The following HHIPL1 variants were observed in gnomAD, a reference collection of about 807,000 sequenced individuals.
HHIPL1 encodes the protein HHIP-like protein 1.
Under a neutral mutation model 61.8 loss-of-function variants are expected in HHIPL1, and 43 were observed. That is an observed-to-expected ratio of 0.70 (90% CI 0.55 to 0.90). The LOEUF (loss-of-function observed/expected upper bound fraction) is 0.90. Among genes scored for constraint, HHIPL1 ranks in the 40% least tolerant of loss-of-function variants. HHIPL1 has a pLI of 0.00. For synonymous variants in HHIPL1, 482 were observed against 515.8 expected (o/e 0.93, Z 0.89); for missense variants, 1,056 against 1,157.7 (o/e 0.91, Z 1.28).
chr14:99,615,533 G>GT, the HHIPL1 span, among the ~76,000 whole-genome samples: 9 of 151,792 alleles, frequency 5.9e-5, no homozygotes, highest in Admixed American at 3.9e-4. Context: ...GGCAGAGTGA[G>GT]ACTCTGTGTC....
chr14:99,668,934 A>G lies in HHIPL1; in HGVS notation c.1730+631A>G, dbSNP rs758912536. The G allele has an allele frequency of 1.2e-6, 2 of 1,610,452 alleles. No homozygotes were observed. Among genetic ancestry groups the G allele is most frequent in the South Asian group, 2.2e-5 (2 of 90,956 alleles). On this transcript the variant is annotated intron_variant, in intron 7 of 8. Coordinates refer to ENST00000330710, the MANE Select transcript of HHIPL1 (RefSeq NM_001127258.3). The surrounding 1 kb of genome is among the most constrained non-coding windows in gnomAD (Gnocchi z 4.7). ...TTTTACAGTGGTGGAAATGAGCACA[A>G]AGACACGAAGTCATGGGCCTGGGGC... is the stretch of plus-strand genomic sequence containing the variant.
chr14:99,643,406 T>C (rs2055778531), upstream of HHIPL1, among the ~76,000 whole-genome samples: 1 of 152,326 alleles, frequency 6.6e-6, no homozygotes, highest in South Asian at 2.1e-4. Context: ...AATCAGGATG[T>C]ACTAGATAAC....
chr14:99,616,638 G>A, the HHIPL1 span, among the ~76,000 whole-genome samples: 1 of 152,162 alleles, frequency 6.6e-6, no homozygotes, highest in Non-Finnish European at 1.5e-5. Flanking sequence ...TGGGTGGAGA[G>A]AGATAAGGCA....
chr14:99,668,795 C>A lies in HHIPL1; in HGVS notation c.1730+492C>A. ...CCACTGGGGAAAACACATTGGGGCT[C>A]CCTTCGCCGGCTCCATCTCCCCGGC... is the stretch of plus-strand genomic sequence containing the variant. On this transcript the variant is annotated intron_variant, in intron 7 of 8. Transcript: ENST00000330710. The surrounding 1 kb of genome is among the most constrained non-coding windows in gnomAD (Gnocchi z 4.7). 1 of 1,609,916 alleles carries A rather than the reference C, an allele frequency of 6.2e-7. No individual in the cohort carries two copies. The highest frequency in any genetic ancestry group is 8.5e-7 in the Non-Finnish European group (1 of 1,179,742).
At chr14:99,622,800 G>A in the HHIPL1 span, among the ~76,000 whole-genome samples, 1 of 152,210 alleles carries the variant, frequency 6.6e-6, no homozygotes. Context: ...AAACTTCTCT[G>A]AGCCTCACTT....
chr14:99,619,179 C>T, the HHIPL1 span, among the ~76,000 whole-genome samples: 1 of 152,116 alleles, frequency 6.6e-6, no homozygotes, highest in Non-Finnish European at 1.5e-5. Context: ...TGGCCGGGCA[C>T]GGTGGCTCAC....
In HHIPL1 at chr14:99,670,268, T is replaced by C. The variant is rs183497154; in HGVS notation, c.1730+1965T>C. Among the ~76,000 whole-genome samples, 87 of 152,264 alleles carry C rather than the reference T, an allele frequency of 5.7e-4. 1 individual carries two copies. The highest frequency in any genetic ancestry group is 2.1e-3 in the African/African-American group (87 of 41,552). ...CTGGGACTACAGGTGCCTGCCACCA[T>C]GCCTGGCTAATTTTTGTATTTTTAG... On this transcript the variant is annotated intron_variant, in intron 7 of 8. Coordinates refer to ENST00000330710, the MANE Select transcript of HHIPL1 (RefSeq NM_001127258.3).
chr14:99,659,665 G>A lies in HHIPL1; in HGVS notation c.1284G>A (p.Val428=). 6.5e-7 allele frequency: 1 copy of A among 1,542,494 alleles called. No homozygotes were observed. The highest frequency in any genetic ancestry group is 8.7e-7 in the Non-Finnish European group (1 of 1,148,982). ...TGGGCCAGAACAAGTTCGAGGAGGT[G>A]GACGTGGTGGAGCGCGGCGGCAACT... is the stretch of plus-strand genomic sequence containing the variant. ...GDVGQNKFEE[V]DVVERGGNYG... Residue 428 remains valine, a synonymous_variant, in exon 4 of 9, where the codon GTG becomes GTA. Coordinates refer to ENST00000330710, the MANE Select transcript of HHIPL1 (RefSeq NM_001127258.3).
chr14:99,624,030 C>T, the HHIPL1 span, among the ~76,000 whole-genome samples: 1 of 152,214 alleles, frequency 6.6e-6, no homozygotes. Context: ...AAATGGGCAC[C>T]TCTCACATTG....
At chr14:99,644,744 C>A (rs1472914312), upstream of HHIPL1, among the ~76,000 whole-genome samples, 1 of 152,158 alleles carries the variant, frequency 6.6e-6, no homozygotes, top group Non-Finnish European at 1.5e-5. Flanking sequence ...GGGGCAACAC[C>A]CCCTGTTCTT....
Position 99,652,713 on chromosome 14 carries a change from C to G in HHIPL1, c.745C>G (p.Arg249Gly). 6.2e-7 allele frequency: 1 copy of G among 1,614,028 alleles called. No individual in the cohort carries two copies. The highest frequency in any genetic ancestry group is 8.5e-7 in the Non-Finnish European group (1 of 1,180,034). Residue 249 changes from arginine (R) to glycine (G), a missense_variant, in exon 2 of 9, where the codon CGT becomes GGT. By Grantham distance (125) the Arg-to-Gly change is moderately radical (BLOSUM62 -2). Coordinates refer to ENST00000330710, the MANE Select transcript of HHIPL1 (RefSeq NM_001127258.3). ...VLTSPWEGDE[R>G]GFLGIAFHPS... is the part of the protein sequence containing the mutation. Reference sequence around the variant, plus strand: ...CACCTCGCCCTGGGAGGGTGACGAGCGTGGCTTCCTGGGCATTGCCTTCCA... The same window carrying G: ...CACCTCGCCCTGGGAGGGTGACGAGGGTGGCTTCCTGGGCATTGCCTTCCA...
At chr14:99,637,826 A>C in the HHIPL1 span, among the ~76,000 whole-genome samples, 1 of 151,948 alleles carries the variant, frequency 6.6e-6, no homozygotes, top group African/African-American at 2.4e-5. Flanking sequence ...CTCATTGATC[A>C]CTCCCATTTA....
intron 6 of HHIPL1, among the ~76,000 whole-genome samples, chr14:99,665,174 G>A (rs1328666437): frequency 6.6e-6 from 1 of 152,170 alleles, no homozygotes; most frequent in Non-Finnish European, 1.5e-5. Flanking sequence ...TGACCCCAAA[G>A]TGCTGAGATT....
At chr14:99,666,509 C>T (rs1354712486) in intron 6 of HHIPL1, among the ~76,000 whole-genome samples, 1 of 152,170 alleles carries the variant, frequency 6.6e-6, no homozygotes, top group Non-Finnish European at 1.5e-5. Flanking sequence ...ACTATGAACG[C>T]CTGGTTATGG....
the HHIPL1 span, among the ~76,000 whole-genome samples, chr14:99,607,663 T>C: frequency 0.29 from 43,734 of 151,836 alleles, 7,282 homozygotes; most frequent in African/African-American, 0.43. Context: ...TCAGGGGGAA[T>C]GGACTTTCTT....
At chr14:99,610,048 G>A in the HHIPL1 span, among the ~76,000 whole-genome samples, 2 of 152,248 alleles carry the variant, frequency 1.3e-5, no homozygotes, top group South Asian at 4.1e-4. Flanking sequence ...AGATTGATGG[G>A]GGCTGTCAGC....
chr14:99,641,942 C>CT (rs111681628), upstream of HHIPL1, among the ~76,000 whole-genome samples: 140 of 147,292 alleles, frequency 9.5e-4, no homozygotes, highest in African/African-American at 2.5e-3. Flanking sequence ...AATTCTTAGC[C>CT]TTTTTTTTTT....
chr14:99,643,319 C>A (rs1486558102), upstream of HHIPL1, among the ~76,000 whole-genome samples: 1 of 152,244 alleles, frequency 6.6e-6, no homozygotes, highest in South Asian at 2.1e-4. Flanking sequence ...GGATTACAGG[C>A]GTGAGCCACT....
chr14:99,671,760 A>G (rs910124716), intron 7 of HHIPL1, among the ~76,000 whole-genome samples: 1 of 151,998 alleles, frequency 6.6e-6, no homozygotes, highest in Non-Finnish European at 1.5e-5. Context: ...AAGGCCCCAA[A>G]TCCCTCAGCT....
Sources: allele counts gnomAD v4.1 joint callset (sites outside exome capture counted in the v4.1 genomes callset), GRCh38; gene constraint gnomAD v4.1.1; non-coding constraint Gnocchi (gnomAD v3.1); transcripts MANE v1.5; gene names NCBI Gene and HGNC (gene_info 2026-07-23, HGNC 2026-07-21).